Variants in CHST9 observed in about 807,000 individuals in gnomAD.
CHST9 encodes carbohydrate sulfotransferase 9.
Under a neutral mutation model 44.4 loss-of-function variants are expected in CHST9, and 41 were observed. The ratio of observed to expected loss-of-function variants is 0.92; its 90% CI spans 0.72 to 1.20. CHST9 has a LOEUF of 1.20. Ranked by LOEUF, CHST9 falls within the 50% of genes most tolerant of loss-of-function variation. The probability of loss-of-function intolerance (pLI) is 0.00; values close to 1 mark genes in which losing one functional copy is unlikely to be tolerated. For synonymous variants in CHST9, 171 were observed against 178.4 expected (o/e 0.96, Z 0.33); for missense variants, 504 against 516.5 (o/e 0.98, Z 0.23).
At chr18:27,095,893 C>T (rs192270289) in intron 2 of CHST9, among the ~76,000 whole-genome samples, 37 of 152,128 alleles carry the variant, frequency 2.4e-4, no homozygotes, top group African/African-American at 7.5e-4. Flanking sequence ...AGAACACCAA[C>T]GAAGAAATTC....
At chr18:26,980,094 C>T (rs938992274) in intron 4 of CHST9, among the ~76,000 whole-genome samples, 5 of 152,112 alleles carry the variant, frequency 3.3e-5, no homozygotes, top group African/African-American at 9.7e-5. Context: ...GATGGATACT[C>T]TTTCCTCCAG....
At chr18:27,086,080 A>C (rs2058009518) in intron 2 of CHST9, among the ~76,000 whole-genome samples, 1 of 152,154 alleles carries the variant, frequency 6.6e-6, no homozygotes, top group Non-Finnish European at 1.5e-5. Flanking sequence ...GTACACATAG[A>C]CACAAAGTTG....
chr18:26,956,713 AG>A (rs2056331084), intron 4 of CHST9, among the ~76,000 whole-genome samples: 1 of 152,150 alleles, frequency 6.6e-6, no homozygotes, highest in Non-Finnish European at 1.5e-5. Flanking sequence ...AATGAAATTT[AG>A]GGGGATATGT....
intron 2 of CHST9, among the ~76,000 whole-genome samples, chr18:27,073,853 T>C (rs539435843): frequency 1.3e-5 from 2 of 152,224 alleles, no homozygotes; most frequent in South Asian, 4.1e-4. Flanking sequence ...CACAAATATA[T>C]ATATTATATA....
intron 4 of CHST9, among the ~76,000 whole-genome samples, chr18:26,995,950 G>T (rs1425733977): frequency 6.6e-6 from 1 of 152,164 alleles, no homozygotes; most frequent in African/African-American, 2.4e-5. Context: ...AAAAGTTCAA[G>T]AATTACAAAA....
Position 26,916,427 on chromosome 18 carries a change from C to T in CHST9, c.1164G>A (p.Lys388=), listed in dbSNP as rs763242570. ...CCTTAAAGTTGGGAAATTTCAGCTC[C>T]TTTGGAGCACCGATCATCTGTAAAA... ...NYFLQMIGAP[K]ELKFPNFKDR... The change falls in exon 6 of 6, where the codon AAG becomes AAA. Residue 388 remains lysine (K), a synonymous_variant. Coordinates refer to ENST00000618847, the MANE Select transcript of CHST9 (RefSeq NM_031422.6). 3 of 1,613,744 alleles carry T rather than the reference C, an allele frequency of 1.9e-6. No individual in the cohort carries two copies. The highest frequency in any genetic ancestry group is 2.5e-6 in the Non-Finnish European group (3 of 1,179,742).
At chr18:27,119,302 G>A (rs1290927919) in intron 2 of CHST9, among the ~76,000 whole-genome samples, 1 of 152,074 alleles carries the variant, frequency 6.6e-6, no homozygotes, top group Non-Finnish European at 1.5e-5. Flanking sequence ...ACATCACTCA[G>A]CCACATTATA....
At chr18:26,955,151 T>G (rs1211164044) in intron 4 of CHST9, among the ~76,000 whole-genome samples, 2 of 152,116 alleles carry the variant, frequency 1.3e-5, no homozygotes, top group African/African-American at 4.8e-5. Flanking sequence ...ATAGCAGCCC[T>G]TTTCATATTC....
chr18:27,068,699 A>G (rs796359667), intron 2 of CHST9, among the ~76,000 whole-genome samples: 4 of 152,272 alleles, frequency 2.6e-5, no homozygotes, highest in African/African-American at 9.6e-5. Flanking sequence ...CAGAGGTTCA[A>G]GTTTCTTTGG....
chr18:26,932,437 T>G (rs1476939684), intron 5 of CHST9, among the ~76,000 whole-genome samples: 1 of 152,166 alleles, frequency 6.6e-6, no homozygotes, highest in East Asian at 1.9e-4. Context: ...ACTCCATCAA[T>G]GTTGTTTTTT....
intron 1 of CHST9, among the ~76,000 whole-genome samples, chr18:27,162,575 C>T (rs8094694): frequency 0.39 from 59,664 of 151,920 alleles, 12,242 homozygotes; most frequent in East Asian, 0.62. Context: ...GTGAATCTGA[C>T]AATTATGTGT....
intron 2 of CHST9, among the ~76,000 whole-genome samples, chr18:27,128,520 G>C (rs952762669): frequency 3.4e-4 from 52 of 152,192 alleles, no homozygotes; most frequent in African/African-American, 1.2e-3. Context: ...CACCCGCCTC[G>C]GCCTCCCAAA....
intron 4 of CHST9, among the ~76,000 whole-genome samples, chr18:27,013,990 T>C (rs866629866): frequency 1.3e-5 from 2 of 152,156 alleles, no homozygotes; most frequent in African/African-American, 4.8e-5. Context: ...ATTAATGAAA[T>C]TAAAAAGCTA....
chr18:27,054,996 T>C (rs2057637987), intron 2 of CHST9, among the ~76,000 whole-genome samples: 1 of 152,128 alleles, frequency 6.6e-6, no homozygotes. Context: ...ATAAAGTCTG[T>C]TGTGGTATCT....
chr18:27,079,110 A>C (rs951250244), intron 2 of CHST9, among the ~76,000 whole-genome samples: 2 of 152,144 alleles, frequency 1.3e-5, no homozygotes, highest in African/African-American at 4.8e-5. Flanking sequence ...TGCTCTAATA[A>C]TGGCAGAACT....
chr18:27,063,488 T>A (rs1351304429), intron 2 of CHST9, among the ~76,000 whole-genome samples: 1 of 152,198 alleles, frequency 6.6e-6, no homozygotes, highest in Admixed American at 6.5e-5. Flanking sequence ...ATTGAAGAAA[T>A]TCTTTTTAAA....
chr18:27,167,820 T>C (rs2058802584), intron 1 of CHST9, among the ~76,000 whole-genome samples: 1 of 152,146 alleles, frequency 6.6e-6, no homozygotes, highest in Admixed American at 6.5e-5. Flanking sequence ...TCTAATCATG[T>C]GCAAAGTTGT....
intron 3 of CHST9, 107 bp from the exon 4 acceptor site, chr18:27,024,264 C>A (rs2057258956): frequency 2.4e-6 from 2 of 850,566 alleles, no homozygotes; most frequent in Admixed American, 2.7e-5. Flanking sequence ...TTATTTGTAA[C>A]AAGGAAAATG....
At chr18:27,009,592 T>G (rs1319107172) in intron 4 of CHST9, among the ~76,000 whole-genome samples, 1 of 152,198 alleles carries the variant, frequency 6.6e-6, no homozygotes, top group Non-Finnish European at 1.5e-5. Flanking sequence ...TGCCAGTAAG[T>G]ATGGTAATAC....
Sources: allele counts gnomAD v4.1 joint callset (sites outside exome capture counted in the v4.1 genomes callset), GRCh38; gene constraint gnomAD v4.1.1; transcripts MANE v1.5; gene names NCBI Gene and HGNC (gene_info 2026-07-23, HGNC 2026-07-21).